The following CNTNAP2 variants were observed in gnomAD, a reference collection of about 807,000 sequenced individuals.
CNTNAP2 encodes contactin associated protein 2, also known as contactin-associated protein-like 2.
CNTNAP2 carries 98 observed loss-of-function variants against 155.2 expected under a neutral mutation model. The observed-to-expected ratio is 0.63, with a 90% CI of 0.54 to 0.75. The LOEUF (loss-of-function observed/expected upper bound fraction) is 0.75. CNTNAP2 is among the 30% of genes least tolerant of loss of function. The pLI, the probability that CNTNAP2 is intolerant of heterozygous loss-of-function variation, is 0.00. For missense variants in CNTNAP2, 1,727 were observed against 1,688.1 expected, an observed-to-expected ratio of 1.02 and a Z score of -0.40; for synonymous variants, 651 against 631.2, an observed-to-expected ratio of 1.03 and a Z score of -0.47.
intron 3 of CNTNAP2, among the ~76,000 whole-genome samples, chr7:146,921,931 A>T (rs1433285962): frequency 6.6e-6 from 1 of 152,154 alleles, no homozygotes; most frequent in Non-Finnish European, 1.5e-5. Flanking sequence ...CTAGAGGAAG[A>T]AAGAGATGAC....
At chr7:146,387,120 A>G (rs1795472254) in intron 1 of CNTNAP2, among the ~76,000 whole-genome samples, 1 of 152,210 alleles carries the variant, frequency 6.6e-6, no homozygotes, top group Admixed American at 6.5e-5. Context: ...ACATCTTTGA[A>G]GCTGTAATTT....
chr7:147,250,004 T>G (rs1804159386), intron 8 of CNTNAP2, among the ~76,000 whole-genome samples: 1 of 152,204 alleles, frequency 6.6e-6, no homozygotes, highest in South Asian at 2.1e-4. Flanking sequence ...TGATTGAAAC[T>G]GACTTTTTTC....
chr7:148,113,936 T>A (rs1421178308), intron 15 of CNTNAP2, among the ~76,000 whole-genome samples: 2 of 152,198 alleles, frequency 1.3e-5, no homozygotes, highest in Non-Finnish European at 2.9e-5. Context: ...CTGTCTCACA[T>A]CTTTCATATC....
chr7:147,484,282 A>G (rs1798473987), intron 10 of CNTNAP2, among the ~76,000 whole-genome samples: 1 of 152,090 alleles, frequency 6.6e-6, no homozygotes, highest in African/African-American at 2.4e-5. Context: ...GCTTTTGTTT[A>G]TATTGTATTT....
chr7:146,927,452 C>T (rs1796630489), intron 3 of CNTNAP2, among the ~76,000 whole-genome samples: 1 of 151,644 alleles, frequency 6.6e-6, no homozygotes, highest in African/African-American at 2.4e-5. Flanking sequence ...ATGATATTTC[C>T]CTTGAAAAAC....
chr7:147,650,705 T>C (rs1037546942), intron 13 of CNTNAP2, among the ~76,000 whole-genome samples: 1 of 152,124 alleles, frequency 6.6e-6, no homozygotes, highest in Admixed American at 6.6e-5. Flanking sequence ...CAGTAGGCTA[T>C]TGGTAGTTAA....
chr7:147,235,137 TC>T (rs1803769583), intron 8 of CNTNAP2, among the ~76,000 whole-genome samples: 1 of 152,178 alleles, frequency 6.6e-6, no homozygotes, highest in South Asian at 2.1e-4. Context: ...GACTGACTCT[TC>T]CCCGAGTGAG....
In CNTNAP2 at chr7:148,260,129, A is replaced by G. The variant is rs144821438; in HGVS notation, c.3382-6904A>G. Among the ~76,000 whole-genome samples the G allele has an allele frequency of 2.0e-5, 3 of 152,296 alleles. No individual in the cohort carries two copies. In the East Asian group the frequency reaches 5.8e-4, roughly 29 times the overall value. On this transcript the variant is annotated intron_variant, in intron 20 of 23. Transcript: ENST00000361727. ...CCTGGCAATACGAGTGAAATCATAT[A>G]ATATGTCATTTCCTTAGGCTTTTCA...
rs551672828 is a variant in CNTNAP2 at position 146,627,019 on chromosome 7, A to G, written c.98-147252A>G. The stretch of plus-strand genomic sequence containing the variant: ...AGACATACCCAAGACTGGGAAGAAA[A>G]AGAGGTTTAATGGATTTACAGTTCC... On this transcript the variant is annotated intron_variant, in intron 1 of 23. Transcript: ENST00000361727. Among the ~76,000 whole-genome samples, 9 of 152,260 alleles carry G rather than the reference A, an allele frequency of 5.9e-5. No homozygotes were observed. The South Asian group carries it at 1.9e-3, about 32-fold the overall frequency.
At chr7:147,731,290 A>G (rs1386914156) in intron 13 of CNTNAP2, among the ~76,000 whole-genome samples, 7 of 152,110 alleles carry the variant, frequency 4.6e-5, no homozygotes, top group Admixed American at 1.3e-4. Flanking sequence ...TGGCTTCAGG[A>G]CTTCAAAGGA....
intron 1 of CNTNAP2, among the ~76,000 whole-genome samples, chr7:146,275,751 C>T (rs560506680): frequency 1.3e-5 from 2 of 152,300 alleles, no homozygotes; most frequent in East Asian, 1.9e-4. Flanking sequence ...CAATACTAGT[C>T]GATTTAATGT....
At chr7:146,631,015 A>G (rs1399159996) in intron 1 of CNTNAP2, among the ~76,000 whole-genome samples, 1 of 152,318 alleles carries the variant, frequency 6.6e-6, no homozygotes, top group South Asian at 2.1e-4. Flanking sequence ...TGTTATTCCC[A>G]TCAAGCTACC....
chr7:148,239,983 C>T (rs1424041148), intron 20 of CNTNAP2, among the ~76,000 whole-genome samples: 2 of 152,212 alleles, frequency 1.3e-5, no homozygotes, highest in East Asian at 3.9e-4. Flanking sequence ...TCTCTTACCC[C>T]TGCCTACCAC....
At position 146,129,025 on chromosome 7, in the gene CNTNAP2, A is replaced by C. The variant is rs181476001; in HGVS notation, c.97+12052A>C. On this transcript the variant is annotated intron_variant, in intron 1 of 23. Coordinates refer to ENST00000361727, the MANE Select transcript of CNTNAP2 (RefSeq NM_014141.6). ...TATACTTATTTGCTCAGTGTGAAAT[A>C]AAACATTTTTAAATTTTAATTTATT... 7.9e-5 allele frequency among the ~76,000 whole-genome samples: 12 copies of C among 152,326 alleles called. No individual in the cohort carries two copies. In the East Asian group the frequency reaches 2.3e-3, roughly 29 times the overall value.
chr7:147,341,040 G>A (rs1312821997), intron 9 of CNTNAP2, among the ~76,000 whole-genome samples: 3 of 149,628 alleles, frequency 2.0e-5, no homozygotes, highest in Non-Finnish European at 3.0e-5. Flanking sequence ...ACTAGTTATA[G>A]ACATGCCTGC....
intron 8 of CNTNAP2, among the ~76,000 whole-genome samples, chr7:147,210,225 G>C (rs1478293011): frequency 6.6e-6 from 1 of 151,914 alleles, no homozygotes. Context: ...ATCTGATTCA[G>C]GGCTTTTATT....
chr7:148,071,235 C>A (rs1484201422), intron 15 of CNTNAP2, among the ~76,000 whole-genome samples: 1 of 152,070 alleles, frequency 6.6e-6, no homozygotes, highest in Non-Finnish European at 1.5e-5. Flanking sequence ...CCAGCACTTT[C>A]AGAGGCCGAG....
chr7:146,910,551 G>T (rs1796250681), intron 3 of CNTNAP2, among the ~76,000 whole-genome samples: 1 of 151,272 alleles, frequency 6.6e-6, no homozygotes, highest in Admixed American at 6.6e-5. Flanking sequence ...ACAAGCATTG[G>T]GGAAAGGATT....
chr7:147,312,850 AT>A (rs1345159457), intron 9 of CNTNAP2, among the ~76,000 whole-genome samples: 3 of 124,740 alleles, frequency 2.4e-5, no homozygotes, highest in Non-Finnish European at 4.7e-5. Flanking sequence ...GACTTCCACA[AT>A]GGTTGAACTA....
Sources: allele counts gnomAD v4.1 joint callset (sites outside exome capture counted in the v4.1 genomes callset), GRCh38; gene constraint gnomAD v4.1.1; transcripts MANE v1.5; gene names NCBI Gene and HGNC (gene_info 2026-07-23, HGNC 2026-07-21).